The following SGCZ variants were observed in gnomAD, a reference collection of about 807,000 sequenced individuals.
SGCZ encodes the protein sarcoglycan zeta.
SGCZ carries 40 observed loss-of-function variants against 41.3 expected under a neutral mutation model. The ratio of observed to expected loss-of-function variants is 0.97; its 90% CI spans 0.75 to 1.26. SGCZ has a LOEUF of 1.26. Ranked by LOEUF, SGCZ falls within the 50% of genes most tolerant of loss-of-function variation. The pLI is 0.00. For missense variants in SGCZ, 552 were observed against 369.8 expected (o/e 1.49, Z -4.04); for synonymous variants, 206 against 137.5 (o/e 1.50, Z -3.49).
chr8:14,713,525 G>T, intron 1 of SGCZ, among the ~76,000 whole-genome samples: 1 of 152,134 alleles, frequency 6.6e-6, no homozygotes, highest in East Asian at 1.9e-4. Flanking sequence ...CTTTACACGT[G>T]TTGCTAAATG....
chr8:14,110,798 A>G (rs1287881414), intron 5 of SGCZ, among the ~76,000 whole-genome samples: 1 of 152,192 alleles, frequency 6.6e-6, no homozygotes, highest in Non-Finnish European at 1.5e-5. Flanking sequence ...CGTGCCTGGA[A>G]TCCCAGCACT....
At chr8:14,127,482 G>A (rs1802898162) in intron 5 of SGCZ, among the ~76,000 whole-genome samples, 1 of 151,854 alleles carries the variant, frequency 6.6e-6, no homozygotes, top group South Asian at 2.1e-4. Flanking sequence ...TTGATACTGA[G>A]TCTCACTGTG....
chr8:15,236,084 A>G (rs1047815960), intron 1 of SGCZ, among the ~76,000 whole-genome samples: 1 of 152,148 alleles, frequency 6.6e-6, no homozygotes, highest in African/African-American at 2.4e-5. Context: ...CTTTAAACGA[A>G]GCATCAAATC....
intron 1 of SGCZ, among the ~76,000 whole-genome samples, chr8:14,798,041 G>T (rs541568225): frequency 3.3e-5 from 5 of 152,352 alleles, no homozygotes; most frequent in South Asian, 2.1e-4. Context: ...GAGAACTCCT[G>T]CTAGGGCAGT....
chr8:14,341,653 C>T (rs1802711143), intron 2 of SGCZ, among the ~76,000 whole-genome samples: 1 of 152,092 alleles, frequency 6.6e-6, no homozygotes, highest in South Asian at 2.1e-4. Context: ...TCCCAGAATT[C>T]CCATGTGTTA....
chr8:15,217,028 T>C (rs1433002912), intron 1 of SGCZ, among the ~76,000 whole-genome samples: 1 of 152,000 alleles, frequency 6.6e-6, no homozygotes, highest in Non-Finnish European at 1.5e-5. Context: ...AGGTATCATG[T>C]CCTGCTTATG....
chr8:14,866,526 T>G (rs1803937401), intron 1 of SGCZ, among the ~76,000 whole-genome samples: 2 of 152,122 alleles, frequency 1.3e-5, no homozygotes, highest in Admixed American at 6.6e-5. Context: ...ATATGAGACT[T>G]GGGCTGGGCA....
intron 2 of SGCZ, among the ~76,000 whole-genome samples, chr8:14,333,879 TA>T (rs2117058265): frequency 6.6e-6 from 1 of 152,252 alleles, no homozygotes; most frequent in African/African-American, 2.4e-5. Context: ...TAAGGAGTTA[TA>T]AGCTCCTGTC....
chr8:14,689,140 A>G (rs1808717169), intron 1 of SGCZ, among the ~76,000 whole-genome samples: 1 of 152,128 alleles, frequency 6.6e-6, no homozygotes, highest in South Asian at 2.1e-4. Context: ...TTTAATACAA[A>G]TTTTCTGAAG....
At chr8:14,916,915 G>C (rs1799455409) in intron 1 of SGCZ, among the ~76,000 whole-genome samples, 2 of 152,032 alleles carry the variant, frequency 1.3e-5, no homozygotes, top group Admixed American at 6.6e-5. Flanking sequence ...TTTACTGCTA[G>C]GTTGATATTG....
chr8:14,705,156 C>T (rs1290981923), intron 1 of SGCZ, among the ~76,000 whole-genome samples: 2 of 151,872 alleles, frequency 1.3e-5, no homozygotes, highest in Non-Finnish European at 2.9e-5. Flanking sequence ...AGACCTTATG[C>T]ACCTCATAAC....
intron 4 of SGCZ, among the ~76,000 whole-genome samples, chr8:14,202,764 C>T (rs1031631770): frequency 2.0e-5 from 3 of 152,112 alleles, no homozygotes; most frequent in East Asian, 1.9e-4. Flanking sequence ...CCTTCCTAAA[C>T]AGATCTCTCC....
chr8:15,220,337 G>C (rs1225245821), intron 1 of SGCZ, among the ~76,000 whole-genome samples: 1 of 152,096 alleles, frequency 6.6e-6, no homozygotes, highest in Non-Finnish European at 1.5e-5. Context: ...GTAAGAATCA[G>C]AGACATAATA....
intron 2 of SGCZ, among the ~76,000 whole-genome samples, chr8:14,479,126 C>A (rs2116999132): frequency 6.6e-6 from 1 of 152,240 alleles, no homozygotes; most frequent in East Asian, 1.9e-4. Flanking sequence ...CACGATAGGC[C>A]ATCAGCAAGC....
intron 1 of SGCZ, among the ~76,000 whole-genome samples, chr8:15,065,388 A>G (rs1805092501): frequency 6.6e-6 from 1 of 150,840 alleles, no homozygotes; most frequent in Admixed American, 6.6e-5. Context: ...TATTATATCT[A>G]TGGCATCACT....
intron 1 of SGCZ, among the ~76,000 whole-genome samples, chr8:14,895,438 T>C (rs948604890): frequency 1.3e-5 from 2 of 152,158 alleles, no homozygotes; most frequent in Non-Finnish European, 2.9e-5. Flanking sequence ...ATAACATTTC[T>C]ACTCTCCTGG....
chr8:14,582,145 T>A (rs1056568812), intron 1 of SGCZ, among the ~76,000 whole-genome samples: 17 of 152,168 alleles, frequency 1.1e-4, no homozygotes, highest in Non-Finnish European at 2.9e-5. Flanking sequence ...ATTTTATTTC[T>A]CTAATTATGT....
At chr8:14,941,658 T>C (rs1027803507) in intron 1 of SGCZ, among the ~76,000 whole-genome samples, 3 of 151,994 alleles carry the variant, frequency 2.0e-5, no homozygotes, top group African/African-American at 7.2e-5. Flanking sequence ...TGCCTAATTC[T>C]GGCCAAAAAT....
chr8:14,240,327 C>CAAAAAAAAAAAAAAAAAAA (rs59351247), intron 3 of SGCZ, among the ~76,000 whole-genome samples: 12 of 115,236 alleles, frequency 1.0e-4, no homozygotes, highest in Admixed American at 1.9e-4. Flanking sequence ...AACTCTGTGT[C>CAAAAAAAAAAAAAAAAAAA]AAAAAAAAAA....
Sources: allele counts gnomAD v4.1 joint callset (sites outside exome capture counted in the v4.1 genomes callset), GRCh38; gene constraint gnomAD v4.1.1; transcripts MANE v1.5; gene names NCBI Gene and HGNC (gene_info 2026-07-23, HGNC 2026-07-21).